Variants in HTR4 observed in about 807,000 individuals in gnomAD.
HTR4 encodes the protein 5-hydroxytryptamine receptor 4.
HTR4 carries 16 observed loss-of-function variants against 36.8 expected under a neutral mutation model. The observed-to-expected ratio is 0.43, with a 90% confidence interval of 0.29 to 0.66. The LOEUF (loss-of-function observed/expected upper bound fraction) is 0.66. HTR4 is among the 30% of genes least tolerant of loss of function. The pLI, the probability that HTR4 is intolerant of heterozygous loss-of-function variation, is 0.13. For synonymous variants in HTR4, 189 were observed against 185.1 expected, an observed-to-expected ratio of 1.02 and a Z score of -0.17; for missense variants, 438 against 490.9, an observed-to-expected ratio of 0.89 and a Z score of 1.02.
At chr5:148,578,738 C>T (rs770406829) in intron 2 of HTR4, among the ~76,000 whole-genome samples, 11 of 152,028 alleles carry the variant, frequency 7.2e-5, no homozygotes, top group African/African-American at 7.2e-5. Flanking sequence ...ACAATACCTA[C>T]GTCTTAGGAT....
At chr5:148,515,785 G>GAT (rs1301409659) in intron 5 of HTR4, among the ~76,000 whole-genome samples, 3 of 151,746 alleles carry the variant, frequency 2.0e-5, no homozygotes, top group African/African-American at 7.3e-5. Flanking sequence ...GAATTTTCTA[G>GAT]ATATAGTTTT....
At chr5:148,491,098 A>G (rs1756406709) in intron 6 of HTR4, among the ~76,000 whole-genome samples, 1 of 152,142 alleles carries the variant, frequency 6.6e-6, no homozygotes, top group African/African-American at 2.4e-5. Context: ...TGGTTTTCCA[A>G]TGGGTATCTC....
At chr5:148,495,221 C>CA (rs1756632375) in intron 6 of HTR4, among the ~76,000 whole-genome samples, 2 of 152,128 alleles carry the variant, frequency 1.3e-5, no homozygotes, top group Admixed American at 6.5e-5. Flanking sequence ...CTCATGTGGA[C>CA]AGAGCTTTGC....
At chr5:148,545,880 A>G (rs1759363125) in intron 4 of HTR4, among the ~76,000 whole-genome samples, 1 of 152,242 alleles carries the variant, frequency 6.6e-6, no homozygotes, top group Non-Finnish European at 1.5e-5. Flanking sequence ...TTAGAGCAGC[A>G]TTTTAAAAGG....
At chr5:148,520,513 G>C (rs1264877793) in intron 5 of HTR4, among the ~76,000 whole-genome samples, 1 of 152,156 alleles carries the variant, frequency 6.6e-6, no homozygotes, top group South Asian at 2.1e-4. Flanking sequence ...TAAGAGCACA[G>C]ACTCTGGAAT....
chr5:148,498,225 G>A (rs1392253466), intron 6 of HTR4, among the ~76,000 whole-genome samples: 2 of 152,146 alleles, frequency 1.3e-5, no homozygotes, highest in African/African-American at 4.8e-5. Flanking sequence ...TTGAGGCCAG[G>A]CTTGGCTGTT....
chr5:148,536,344 C>A (rs1176437711), intron 4 of HTR4, among the ~76,000 whole-genome samples: 6 of 152,036 alleles, frequency 3.9e-5, no homozygotes, highest in African/African-American at 1.4e-4. Context: ...GCATAATAAC[C>A]AGCTAACAAC....
chr5:148,549,945 T>C (rs1158027083), intron 3 of HTR4, among the ~76,000 whole-genome samples, 192 bp downstream of exon 3: 2 of 152,208 alleles, frequency 1.3e-5, no homozygotes, highest in African/African-American at 4.8e-5. Flanking sequence ...TACACTGAAA[T>C]GTTTACACTG....
chr5:148,566,965 T>C (rs1166950626), intron 2 of HTR4, among the ~76,000 whole-genome samples: 1 of 151,736 alleles, frequency 6.6e-6, no homozygotes, highest in Non-Finnish European at 1.5e-5. Flanking sequence ...AAAAATTGTG[T>C]TTTTTTTCAA....
chr5:148,529,819 T>C (rs1758465471), intron 4 of HTR4, among the ~76,000 whole-genome samples: 1 of 152,176 alleles, frequency 6.6e-6, no homozygotes, highest in Non-Finnish European at 1.5e-5. Flanking sequence ...CTGATAATGA[T>C]ATACACAGTA....
chr5:148,519,125 C>T (rs1168956724), intron 5 of HTR4, among the ~76,000 whole-genome samples: 4 of 151,952 alleles, frequency 2.6e-5, no homozygotes, highest in African/African-American at 4.8e-5. Flanking sequence ...ACTTTGAAGT[C>T]GTATAATTCC....
At chr5:148,647,933 G>A (rs933082152) in intron 1 of HTR4, among the ~76,000 whole-genome samples, 5 of 152,168 alleles carry the variant, frequency 3.3e-5, no homozygotes, top group African/African-American at 7.2e-5. Context: ...CACCTCATGA[G>A]TGACCTTGGA....
intron 2 of HTR4, among the ~76,000 whole-genome samples, chr5:148,562,617 A>T (rs1360071516): frequency 1.3e-5 from 2 of 150,362 alleles, no homozygotes; most frequent in African/African-American, 5.0e-5. Context: ...TATCCCACTA[A>T]CTACTTTGTC....
At chr5:148,453,099 C>A (rs1755012224) in intron 5 of HTR4, among the ~76,000 whole-genome samples, 1 of 152,166 alleles carries the variant, frequency 6.6e-6, no homozygotes, top group South Asian at 2.1e-4. Context: ...GCTGTGGTTC[C>A]TATATACGTC....
At chr5:148,473,215 G>A (rs1460037036), downstream of HTR4, among the ~76,000 whole-genome samples, 6 of 151,340 alleles carry the variant, frequency 4.0e-5, no homozygotes, top group Admixed American at 1.3e-4. Context: ...AGGGGATGGC[G>A]TGAACGCAGA....
At chr5:148,615,704 GAAAGAAATAAAATA>G (rs1289910788) in intron 2 of HTR4, among the ~76,000 whole-genome samples, 16 of 134,392 alleles carry the variant, frequency 1.2e-4, no homozygotes, top group African/African-American at 4.4e-4. Context: ...AAGAAAGAAA[GAAAGAAATAAAATA>G]AAATAAAATA....
chr5:148,561,718 T>C (rs1760221992), intron 2 of HTR4, among the ~76,000 whole-genome samples: 1 of 152,114 alleles, frequency 6.6e-6, no homozygotes, highest in Non-Finnish European at 1.5e-5. Context: ...ATGTTTTCAA[T>C]ATTCGGCTGA....
At chr5:148,614,548 T>G (rs922069341) in intron 2 of HTR4, among the ~76,000 whole-genome samples, 4 of 152,182 alleles carry the variant, frequency 2.6e-5, no homozygotes, top group Non-Finnish European at 5.9e-5. Context: ...GATTAAAGAC[T>G]TAAACGTTAG....
intron 2 of HTR4, among the ~76,000 whole-genome samples, chr5:148,613,234 G>A (rs1752515734): frequency 6.7e-6 from 1 of 148,336 alleles, no homozygotes; most frequent in Non-Finnish European, 1.5e-5. Flanking sequence ...CCAAAAAAGA[G>A]AATTTTAGAC....
Sources: gnomAD v4.1 joint callset for allele counts (sites outside exome capture counted in the v4.1 genomes callset) on GRCh38, gnomAD v4.1.1 for gene constraint, MANE v1.5 for transcripts, NCBI Gene and HGNC (gene_info 2026-07-23, HGNC 2026-07-21) for gene names.